ICA1L: variants seen among roughly 807,000 people sequenced by gnomAD.
ICA1L encodes the protein islet cell autoantigen 1 like.
ICA1L carries 50 observed loss-of-function variants against 61.3 expected under a neutral mutation model. That is an observed-to-expected ratio of 0.82 (90% confidence interval 0.65 to 1.03). ICA1L has a LOEUF of 1.03. Ranked by LOEUF, ICA1L falls within the 50% of genes least tolerant of loss-of-function variation. The pLI is 0.00. For missense variants in ICA1L, 508 were observed against 556.7 expected (o/e 0.91, Z 0.88); for synonymous variants, 161 against 191.3 (o/e 0.84, Z 1.31).
At chr2:202,786,134 T>C (rs544672597) in intron 11 of ICA1L, 127 bp from the exon 12 acceptor site, 1 of 533,942 alleles carries the variant, frequency 1.9e-6, no homozygotes, top group East Asian at 3.0e-5. Flanking sequence ...ATAAGAGGTA[T>C]AAAATACTGA....
At chr2:202,818,382 GAAC>G (rs1404211582) in intron 5 of ICA1L, among the ~76,000 whole-genome samples, 10 of 152,250 alleles carry the variant, frequency 6.6e-5, no homozygotes, top group Admixed American at 3.9e-4. Context: ...TATCATGTTA[GAAC>G]AACAAGAAGC....
intron 1 of ICA1L, among the ~76,000 whole-genome samples, chr2:202,855,230 T>C (rs1305325377): frequency 6.6e-6 from 1 of 151,736 alleles, no homozygotes; most frequent in Non-Finnish European, 1.5e-5. Context: ...AACATCACAA[T>C]TAAAAGAACT....
intron 12 of ICA1L, 116 bp downstream of exon 12, chr2:202,785,776 AGCTTTCATTTTAATAATAATCATTAT>A (rs1692561163): frequency 3.8e-6 from 2 of 528,122 alleles, no homozygotes; most frequent in Non-Finnish European, 6.6e-6. Context: ...TAAGCAGTAT[AGCTTTCATTTTAATAATAATCATTAT>A]TAAACTTTTT....
intron 1 of ICA1L, among the ~76,000 whole-genome samples, chr2:202,863,688 G>A (rs546292305): frequency 1.3e-5 from 2 of 151,920 alleles, no homozygotes; most frequent in South Asian, 2.1e-4. Context: ...TCAGCCCGGC[G>A]TGGTGGTGGG....
At chr2:202,790,470 C>T (rs1692712013) in intron 10 of ICA1L, among the ~76,000 whole-genome samples, 2 of 152,094 alleles carry the variant, frequency 1.3e-5, no homozygotes, top group African/African-American at 4.8e-5. Context: ...TCCCGCTTTC[C>T]AACTTAGCAA....
chr2:202,865,817 G>C (rs1010068259), intron 1 of ICA1L, among the ~76,000 whole-genome samples: 1 of 152,144 alleles, frequency 6.6e-6, no homozygotes, highest in African/African-American at 2.4e-5. Context: ...GGTAGAGATG[G>C]AGTCTCCCTA....
chr2:202,819,876 G>C lies in ICA1L; in HGVS notation c.383C>G (p.Ser128Cys). Residue 128 changes from serine (S) to cysteine (C), a missense_variant, in exon 5 of 13, where the codon TCT becomes TGT. Ser to Cys is a moderately radical substitution (Grantham distance 112). Transcript: ENST00000358299. ...TGTTGCTACTTCTTGCTTCAGACGAGACAGAGGAGTACACAGGGCCAATCT... is the reference window on the plus strand; with the variant it reads ...TGTTGCTACTTCTTGCTTCAGACGACACAGAGGAGTACACAGGGCCAATCT... Reference protein sequence around the residue: ...KQRLALCTPLSRLKQEVATFS... With the variant: ...KQRLALCTPLCRLKQEVATFS... 1 of 1,613,986 alleles carries C rather than the reference G, an allele frequency of 6.2e-7. No individual in the cohort carries two copies. The highest frequency in any genetic ancestry group is 8.5e-7 in the Non-Finnish European group (1 of 1,179,932).
rs1369399976 is a variant in ICA1L at position 202,862,290 on chromosome 2, A to C, written c.-8+9329T>G. ...ATTTCTACAAAAAAAAAAAAAAAAA[A>C]AAAAAAAAAAAAAAAGGCCAGAAGT... On this transcript the variant is annotated intron_variant, in intron 1 of 12. Coordinates refer to ENST00000358299, the MANE Select transcript of ICA1L (RefSeq NM_001288622.3). 1.7e-3 allele frequency among the ~76,000 whole-genome samples: 207 copies of C among 122,036 alleles called. 2 individuals carry two copies. The highest frequency in any genetic ancestry group is 3.2e-3 in the Admixed American group (37 of 11,478). 80.1% of individuals were successfully genotyped at this position (122,036 alleles called of 152,430 possible).
Position 202,819,888 on chromosome 2 carries a change from C to T in ICA1L, c.371G>A (p.Cys124Tyr), listed in dbSNP as rs761098793. The change falls in exon 5 of 13, where the codon TGT becomes TAT. Residue 124 changes from cysteine to tyrosine, a missense_variant. Cys to Tyr is a radical substitution (Grantham distance 194). Transcript: ENST00000358299. Reference sequence around the variant, plus strand: ...TTGCTTCAGACGAGACAGAGGAGTACACAGGGCCAATCTAATGGCAGAGAG... The same window carrying T: ...TTGCTTCAGACGAGACAGAGGAGTATACAGGGCCAATCTAATGGCAGAGAG... ...CSSAKQRLAL[C>Y]TPLSRLKQEV... is the part of the protein sequence containing the mutation. The T allele has an allele frequency of 1.1e-5, 18 of 1,613,592 alleles. No individual in the cohort carries two copies. The highest frequency in any genetic ancestry group is 1.6e-4 in the Middle Eastern group (1 of 6,082).
At chr2:202,816,106 C>A in intron 6 of ICA1L, 97 bp from the exon 7 acceptor site, 2 of 666,258 alleles carry the variant, frequency 3.0e-6, no homozygotes, top group Non-Finnish European at 4.8e-6. Context: ...GAACAGTTGC[C>A]AAAAAATAAG....
Position 202,774,460 on chromosome 2 carries a change from T to C in ICA1L, c.*5073A>G, listed in dbSNP as rs986048319. On this transcript the variant is annotated 3_prime_UTR_variant, in exon 13 of 13. Transcript: ENST00000358299. ...TCCAGGCCAGCTCAAGAAACAACTT[T>C]TTCTTTCATGTTTTTTGTATGTGTT... 3.9e-6 allele frequency: 2 copies of C among 516,582 alleles called. No homozygotes were observed. The highest frequency in any genetic ancestry group is 2.1e-5 in the African/African-American group (1 of 48,340). The allele number at this position is 516,582 out of a possible 1,614,324, so 32.0% of individuals were successfully genotyped here.
At chr2:202,859,499 A>C (rs1379000619) in intron 1 of ICA1L, among the ~76,000 whole-genome samples, 1 of 152,202 alleles carries the variant, frequency 6.6e-6, no homozygotes, top group Non-Finnish European at 1.5e-5. Flanking sequence ...TGGCACTGTA[A>C]TCATAACATC....
intron 5 of ICA1L, among the ~76,000 whole-genome samples, chr2:202,819,287 A>C (rs973721859): frequency 1.3e-5 from 2 of 152,246 alleles, no homozygotes; most frequent in African/African-American, 4.8e-5. Context: ...TCTGTGGCCA[A>C]ACTTTGTATT....
chr2:202,812,361 G>A (rs1188458919), intron 8 of ICA1L, among the ~76,000 whole-genome samples: 2 of 152,028 alleles, frequency 1.3e-5, no homozygotes, highest in Non-Finnish European at 2.9e-5. Context: ...GGCGGATCAC[G>A]AGGTCAGGAA....
Position 202,839,227 on chromosome 2 carries a change from G to A in ICA1L, c.-7-10211C>T, listed in dbSNP as rs537634835. ...AAGGTGAAGTGAGTCTTGGCTGGGC[G>A]CGGTGGCTCAAGCCTGTAATCCCAG... On this transcript the variant is annotated intron_variant, in intron 1 of 12. Transcript: ENST00000358299. Among the ~76,000 whole-genome samples the A allele has an allele frequency of 1.3e-4, 20 of 152,072 alleles. 1 individual carries two copies. In the South Asian group the frequency reaches 2.5e-3, roughly 19 times the overall value.
chr2:202,791,825 A>T (rs966279658), intron 10 of ICA1L, among the ~76,000 whole-genome samples: 2 of 152,094 alleles, frequency 1.3e-5, no homozygotes, highest in Admixed American at 6.6e-5. Context: ...AGCCTGGGCA[A>T]CAAGAGCAAA....
At chr2:202,866,312 C>T (rs780811672) in intron 1 of ICA1L, among the ~76,000 whole-genome samples, 12 of 152,168 alleles carry the variant, frequency 7.9e-5, no homozygotes, top group South Asian at 2.1e-4. Context: ...TCTCACCATG[C>T]GATGCCTGCT....
chr2:202,793,098 T>C (rs371451963), intron 10 of ICA1L, among the ~76,000 whole-genome samples: 1 of 152,106 alleles, frequency 6.6e-6, no homozygotes, highest in Non-Finnish European at 1.5e-5. Flanking sequence ...TTCTAAAAAT[T>C]AGGAACTGTT....
chr2:202,814,780 A>C lies in ICA1L; in HGVS notation c.788T>G (p.Leu263Arg). The C allele has an allele frequency of 6.2e-7, 1 of 1,609,920 alleles. No homozygotes were observed. Among genetic ancestry groups the C allele is most frequent in the Non-Finnish European group, 8.5e-7 (1 of 1,176,666 alleles). The change falls in exon 8 of 13, where the codon CTA (leucine) becomes CGA (arginine). Residue 263 changes from leucine to arginine, a missense_variant. Physicochemically the swap from Leu to Arg is moderately radical, Grantham distance 102. Coordinates refer to ENST00000358299, the MANE Select transcript of ICA1L (RefSeq NM_001288622.3). ...ACTAATCTTGCTTGGCGTGTCTTGT[A>C]GTTGCTAAAGATAAGAAAGTCAATG... Reference protein sequence around the residue: ...HPYDFVALKQLQDTPSKISED... With the variant: ...HPYDFVALKQRQDTPSKISED...
Sources: gnomAD v4.1 joint callset for allele counts (sites outside exome capture counted in the v4.1 genomes callset) on GRCh38, gnomAD v4.1.1 for gene constraint, MANE v1.5 for transcripts, NCBI Gene and HGNC (gene_info 2026-07-23, HGNC 2026-07-21) for gene names.